TMTC2: variants seen among roughly 807,000 people sequenced by gnomAD.
The protein encoded by TMTC2 is protein O-mannosyl-transferase TMTC2.
A neutral mutation model predicts 82.4 loss-of-function variants in TMTC2; 43 were observed. That is an observed-to-expected ratio of 0.52 (90% confidence interval 0.41 to 0.67). TMTC2 has a LOEUF of 0.67. Among genes scored for constraint, TMTC2 ranks in the 30% least tolerant of loss-of-function variants. The pLI is 0.00. For missense variants in TMTC2, 919 were observed against 1,012.4 expected, an observed-to-expected ratio of 0.91 and a Z score of 1.25; for synonymous variants, 408 against 381.9, an observed-to-expected ratio of 1.07 and a Z score of -0.80.
Position 82,896,396 on chromosome 12 carries a change from G to A in TMTC2, c.1233G>A (p.Leu411=), listed in dbSNP as rs1873687473. ...TACCCTTTGTTCCTGCCACGAACCTGTTTTTCTATGTCGGCTTTGTAATTG... is the reference window on the plus strand; with the variant it reads ...TACCCTTTGTTCCTGCCACGAACCTATTTTTCTATGTCGGCTTTGTAATTG... ...LIIPFVPATN[L]FFYVGFVIAE... Residue 411 remains leucine (L), a synonymous_variant, in exon 3 of 12, where the codon CTG becomes CTA. Transcript: ENST00000321196. The A allele has an allele frequency of 2.5e-6, 4 of 1,614,094 alleles. No individual in the cohort carries two copies. The highest frequency in any genetic ancestry group is 1.3e-5 in the African/African-American group (1 of 75,028).
At chr12:82,909,629 C>G (rs1198582297) in intron 3 of TMTC2, among the ~76,000 whole-genome samples, 2 of 152,138 alleles carry the variant, frequency 1.3e-5, no homozygotes, top group African/African-American at 4.8e-5. Flanking sequence ...CATGAGCCAC[C>G]GTGCCTGGCC....
intron 11 of TMTC2, among the ~76,000 whole-genome samples, chr12:83,102,494 C>G (rs575315764): frequency 1.4e-4 from 22 of 152,230 alleles, no homozygotes; most frequent in Admixed American, 1.4e-3. Flanking sequence ...CCTGTATTAT[C>G]AGAAAGGGAT....
At chr12:82,774,442 G>A (rs1877478759) in intron 1 of TMTC2, among the ~76,000 whole-genome samples, 1 of 151,930 alleles carries the variant, frequency 6.6e-6, no homozygotes, top group African/African-American at 2.4e-5. Flanking sequence ...CCAACATGGT[G>A]AAACCCTGTA....
At chr12:82,875,090 G>C (rs957046882) in intron 2 of TMTC2, among the ~76,000 whole-genome samples, 2 of 152,102 alleles carry the variant, frequency 1.3e-5, no homozygotes, top group Admixed American at 1.3e-4. Context: ...TTATACTGCA[G>C]ACAAAGAGTG....
At chr12:83,119,649 G>C (rs1884885349) in intron 11 of TMTC2, among the ~76,000 whole-genome samples, 1 of 152,146 alleles carries the variant, frequency 6.6e-6, no homozygotes, top group African/African-American at 2.4e-5. Context: ...GTATATATCT[G>C]TTAAGTCCAT....
intron 11 of TMTC2, among the ~76,000 whole-genome samples, chr12:83,105,462 C>T (rs928117307): frequency 6.6e-6 from 1 of 152,178 alleles, no homozygotes; most frequent in African/African-American, 2.4e-5. Flanking sequence ...GGCATCTGCT[C>T]AGCTTCTTGG....
chr12:83,061,629 A>T, intron 10 of TMTC2, 139 bp from the exon 11 acceptor site: 1 of 586,302 alleles, frequency 1.7e-6, no homozygotes, highest in Non-Finnish European at 2.8e-6. Flanking sequence ...CTCAATTTTT[A>T]AGTCTTTTTC....
intron 11 of TMTC2, among the ~76,000 whole-genome samples, chr12:83,097,864 G>T (rs968709498): frequency 1.3e-5 from 2 of 152,206 alleles, no homozygotes; most frequent in Non-Finnish European, 2.9e-5. Flanking sequence ...GCCTGGAGCA[G>T]ACAGAATGCC....
At chr12:82,938,118 T>TG (rs1876508043) in intron 4 of TMTC2, among the ~76,000 whole-genome samples, 2 of 151,868 alleles carry the variant, frequency 1.3e-5, no homozygotes, top group South Asian at 4.2e-4. Flanking sequence ...TTCGCCATGT[T>TG]GGCCAGGCTG....
rs1882316772 is a variant in TMTC2, at chr12:83,050,783, G to A, written c.2153-121G>A. On this transcript the variant is annotated intron_variant, in intron 9 of 11. Transcript: ENST00000321196. ...CATATAAATAATCTCTAAATAATGA[G>A]TATGTTATTAAATCTTAGCTTCAAA... The A allele has an allele frequency of 8.8e-6, 5 of 566,094 alleles. No individual in the cohort carries two copies. In the South Asian group the frequency reaches 1.3e-4, roughly 15 times the overall value. 35.1% of individuals were successfully genotyped at this position (566,094 alleles called of 1,614,324 possible).
intron 1 of TMTC2, among the ~76,000 whole-genome samples, chr12:82,725,363 T>C (rs889692445): frequency 1.3e-5 from 2 of 152,230 alleles, no homozygotes; most frequent in Non-Finnish European, 2.9e-5. Context: ...GATGTGAATT[T>C]ATTTTTAATA....
chr12:83,052,492 G>C (rs547805349), intron 10 of TMTC2, among the ~76,000 whole-genome samples: 7 of 152,074 alleles, frequency 4.6e-5, no homozygotes, highest in Non-Finnish European at 1.0e-4. Context: ...ACCTCAATTT[G>C]TGTGACAAGG....
At chr12:83,038,952 A>AT (rs1776529435) in intron 9 of TMTC2, among the ~76,000 whole-genome samples, 1 of 114,760 alleles carries the variant, frequency 8.7e-6, no homozygotes. Context: ...TTTTTTTGAG[A>AT]TGGAGTCTCA....
At position 82,965,046 on chromosome 12, in the gene TMTC2, A is replaced by G. The variant is rs1307087989; in HGVS notation, c.1621A>G (p.Ser541Gly). 2.5e-6 allele frequency: 4 copies of G among 1,612,530 alleles called. No individual in the cohort carries two copies. The highest frequency in any genetic ancestry group is 3.4e-6 in the Non-Finnish European group (4 of 1,178,982). Residue 541 changes from serine to glycine, a missense_variant, in exon 5 of 12, where the codon AGC (serine) becomes GGC (glycine). Transcript: ENST00000321196. ...YNLGLLLQENSRFAEALHYYK... is the reference protein window; with the variant it reads ...YNLGLLLQENGRFAEALHYYK... ...CAGAGGGCTACTTCTCCAGGAGAAC[A>G]GCAGGTTTGCAGAAGCACTACATTA...
chr12:82,727,562 A>C (rs939696976), intron 1 of TMTC2, among the ~76,000 whole-genome samples: 1 of 152,054 alleles, frequency 6.6e-6, no homozygotes, highest in Non-Finnish European at 1.5e-5. Context: ...CTCTAATAAA[A>C]ATACAAAAAT....
intron 1 of TMTC2, among the ~76,000 whole-genome samples, chr12:82,726,819 C>T (rs1874473863): frequency 7.0e-6 from 1 of 142,738 alleles, no homozygotes; most frequent in South Asian, 2.2e-4. Context: ...GCAGAGCTTG[C>T]AGTGAGCTGA....
At chr12:83,126,964 T>C (rs971189460) in intron 11 of TMTC2, among the ~76,000 whole-genome samples, 4 of 152,180 alleles carry the variant, frequency 2.6e-5, no homozygotes, top group Non-Finnish European at 5.9e-5. Context: ...ACTATTCATT[T>C]TTAAGCATCA....
chr12:82,719,085 ATTTTTTTT>A (rs71068944), intron 1 of TMTC2, among the ~76,000 whole-genome samples: 7 of 41,406 alleles, frequency 1.7e-4, no homozygotes, highest in South Asian at 1.3e-3. Flanking sequence ...ATATATATAT[ATTTTTTTT>A]TTTTTTTTTT....
intron 11 of TMTC2, among the ~76,000 whole-genome samples, chr12:83,119,188 C>T (rs952479294): frequency 4.0e-5 from 6 of 151,708 alleles, no homozygotes; most frequent in Admixed American, 1.3e-4. Context: ...TACTGGGTTT[C>T]GGTTTGGTTT....
Sources: gnomAD v4.1 joint callset for allele counts (sites outside exome capture counted in the v4.1 genomes callset) on GRCh38, gnomAD v4.1.1 for gene constraint, MANE v1.5 for transcripts, NCBI Gene and HGNC (gene_info 2026-07-23, HGNC 2026-07-21) for gene names.